FRK: variants seen among roughly 807,000 people sequenced by gnomAD.
FRK encodes tyrosine-protein kinase FRK.
FRK carries 51 observed loss-of-function variants against 56.4 expected under a neutral mutation model. The ratio of observed to expected loss-of-function variants is 0.90; its 90% CI spans 0.72 to 1.14. The LOEUF (loss-of-function observed/expected upper bound fraction) is 1.14, where lower values mean the gene tolerates loss of function less well. FRK is among the 50% of genes most tolerant of loss of function. The pLI is 0.00. For missense variants in FRK, 570 were observed against 601.4 expected, an observed-to-expected ratio of 0.95 and a Z score of 0.55; for synonymous variants, 245 against 217.9, an observed-to-expected ratio of 1.12 and a Z score of -1.10.
chr6:115,980,373 G>A (rs1427689747), intron 2 of FRK, among the ~76,000 whole-genome samples: 1 of 151,528 alleles, frequency 6.6e-6, no homozygotes, highest in Non-Finnish European at 1.5e-5. Flanking sequence ...AAGTGAAATG[G>A]TAGGATACAA....
chr6:116,074,520 C>A, the FRK span, among the ~76,000 whole-genome samples: 1 of 152,104 alleles, frequency 6.6e-6, no homozygotes, highest in Non-Finnish European at 1.5e-5. Context: ...TGAGCAAACA[C>A]TTTTAAATTA....
Position 116,060,517 on chromosome 6 carries a change from G to T in FRK, c.-206C>A, listed in dbSNP as rs1777589761. The T allele has an allele frequency of 1.8e-6, 1 of 546,514 alleles. No individual in the cohort carries two copies. 33.9% of individuals were successfully genotyped at this position (546,514 alleles called of 1,614,324 possible). A position where few individuals can be genotyped will look rare whatever the true frequency, so the allele number is the denominator to read the frequency against. ...AGAGACTTACCGGCTTGCTTTCTGTGGCTGGAGGTGCTACCCCGAGGCAAA... is the reference window on the plus strand; with the variant it reads ...AGAGACTTACCGGCTTGCTTTCTGTTGCTGGAGGTGCTACCCCGAGGCAAA... On this transcript the variant is annotated 5_prime_UTR_variant, in exon 1 of 8. Coordinates refer to ENST00000606080, the MANE Select transcript of FRK (RefSeq NM_002031.3).
the FRK span, among the ~76,000 whole-genome samples, chr6:116,091,100 G>A: frequency 6.6e-6 from 1 of 152,162 alleles, no homozygotes; most frequent in Non-Finnish European, 1.5e-5. Context: ...AAAGTGAGAG[G>A]TGAAGCCAGT....
the FRK span, among the ~76,000 whole-genome samples, chr6:116,084,957 T>C: frequency 6.6e-6 from 1 of 152,150 alleles, no homozygotes; most frequent in South Asian, 2.1e-4. Context: ...AGATTTTAGA[T>C]ACCAGTGGCC....
At chr6:115,994,420 A>T (rs1287164013) in intron 2 of FRK, among the ~76,000 whole-genome samples, 5 of 144,446 alleles carry the variant, frequency 3.5e-5, no homozygotes, top group Non-Finnish European at 7.5e-5. Context: ...CTCGCTATGC[A>T]TTTGGATGAG....
intron 1 of FRK, among the ~76,000 whole-genome samples, chr6:116,043,583 A>G (rs559692322): frequency 6.6e-6 from 1 of 152,270 alleles, no homozygotes; most frequent in South Asian, 2.1e-4. Context: ...GACACAGCTA[A>G]CCCAGAGTTT....
chr6:115,992,122 A>G (rs1304053176), intron 2 of FRK, among the ~76,000 whole-genome samples: 1 of 151,662 alleles, frequency 6.6e-6, no homozygotes, highest in African/African-American at 2.4e-5. Context: ...TTTCAAAGAA[A>G]TAACTTTTTC....
chr6:115,994,951 G>C (rs1261358450), intron 2 of FRK, among the ~76,000 whole-genome samples: 2 of 152,132 alleles, frequency 1.3e-5, no homozygotes, highest in Admixed American at 1.3e-4. Flanking sequence ...GTTCCACTTA[G>C]GAGAGCAGAA....
the FRK span, among the ~76,000 whole-genome samples, chr6:116,067,784 C>A: frequency 6.6e-6 from 1 of 151,972 alleles, no homozygotes; most frequent in East Asian, 1.9e-4. Context: ...TTATTTTATA[C>A]CAAAGGCTGA....
At position 115,967,582 on chromosome 6, in the gene FRK, G is replaced by A. The variant is rs758732197; in HGVS notation, c.768C>T (p.Thr256=). The A allele has an allele frequency of 9.3e-6, 15 of 1,613,544 alleles. No individual in the cohort carries two copies. The highest frequency in any genetic ancestry group is 1.3e-5 in the Non-Finnish European group (15 of 1,179,692). The change falls in exon 4 of 8, where the codon ACC becomes ACT. Residue 256 remains threonine (T), a synonymous_variant. Coordinates refer to ENST00000606080, the MANE Select transcript of FRK (RefSeq NM_002031.3). The part of the protein sequence containing the change: ...GEVWEGLWNN[T]TPVAVKTLKP... ...TTAATGTTTTCACTGCTACTGGAGTGGTATTGTTCCACAGACCTTCCCATA... is the reference window on the plus strand; with the variant it reads ...TTAATGTTTTCACTGCTACTGGAGTAGTATTGTTCCACAGACCTTCCCATA...
chr6:115,973,751 A>C (rs1773893358), intron 2 of FRK, among the ~76,000 whole-genome samples: 1 of 151,896 alleles, frequency 6.6e-6, no homozygotes, highest in Non-Finnish European at 1.5e-5. Flanking sequence ...TGTGCCTGTA[A>C]TCCCAGCTAC....
chr6:116,009,357 TG>T (rs901432188), intron 1 of FRK, among the ~76,000 whole-genome samples: 2 of 152,212 alleles, frequency 1.3e-5, no homozygotes, highest in Non-Finnish European at 2.9e-5. Flanking sequence ...TCATAAACTC[TG>T]GGGGTGGGCC....
chr6:116,087,312 TA>T, the FRK span, among the ~76,000 whole-genome samples: 1 of 152,118 alleles, frequency 6.6e-6, no homozygotes, highest in Non-Finnish European at 1.5e-5. Flanking sequence ...TACTAGCATT[TA>T]AAAAGAAAAA....
intron 5 of FRK, among the ~76,000 whole-genome samples, chr6:115,955,216 C>G (rs529645269): frequency 6.6e-6 from 1 of 151,694 alleles, no homozygotes; most frequent in South Asian, 2.1e-4. Context: ...AAAAGAACCA[C>G]CAAGAAAGGA....
intron 1 of FRK, among the ~76,000 whole-genome samples, chr6:116,052,366 C>T (rs1177382203): frequency 3.3e-5 from 5 of 151,898 alleles, no homozygotes; most frequent in Non-Finnish European, 1.5e-5. Flanking sequence ...CAGAGAGGAA[C>T]AATTAAAGAA....
At chr6:115,972,024 G>A (rs772102510) in intron 2 of FRK, among the ~76,000 whole-genome samples, 4 of 152,188 alleles carry the variant, frequency 2.6e-5, no homozygotes, top group Non-Finnish European at 5.9e-5. Context: ...GCCCTTTGGG[G>A]CTTCCCTGTC....
At chr6:115,995,567 G>A (rs1774804959) in intron 2 of FRK, among the ~76,000 whole-genome samples, 2 of 150,946 alleles carry the variant, frequency 1.3e-5, no homozygotes, top group South Asian at 4.5e-4. Context: ...AGAAAATTAA[G>A]ACAAGTCAAT....
intron 2 of FRK, among the ~76,000 whole-genome samples, chr6:115,979,471 A>C (rs1218717600): frequency 6.6e-6 from 1 of 152,194 alleles, no homozygotes; most frequent in Non-Finnish European, 1.5e-5. Flanking sequence ...TTTTAAAATT[A>C]AAAAATGTAT....
chr6:116,084,585 C>T, the FRK span, among the ~76,000 whole-genome samples: 1 of 152,150 alleles, frequency 6.6e-6, no homozygotes, highest in East Asian at 1.9e-4. Flanking sequence ...TGTGGAATTC[C>T]TCATGGCCTC....
Sources: allele counts gnomAD v4.1 joint callset (sites outside exome capture counted in the v4.1 genomes callset), GRCh38; gene constraint gnomAD v4.1.1; transcripts MANE v1.5; gene names NCBI Gene and HGNC (gene_info 2026-07-23, HGNC 2026-07-21).